GMPPA: variants seen among roughly 807,000 people sequenced by gnomAD.
The protein encoded by GMPPA is GDP-mannose pyrophosphorylase A, also known as mannose-1-phosphate guanylyltransferase regulatory subunit alpha.
In GMPPA, 46 loss-of-function variants were observed where a neutral mutation model predicts 58.6. That is an observed-to-expected ratio of 0.78 (90% CI 0.62 to 1.00). The LOEUF is 1.00. Among genes scored for constraint, GMPPA ranks in the 50% least tolerant of loss-of-function variants. The pLI is 0.00. For missense variants in GMPPA, 468 were observed against 556.4 expected (o/e 0.84, Z 1.60); for synonymous variants, 211 against 214.9 (o/e 0.98, Z 0.16).
intron 7 of GMPPA, 187 bp from the exon 8 acceptor site, chr2:219,505,041 G>C (rs910096373): frequency 8.4e-6 from 7 of 829,630 alleles, no homozygotes; most frequent in African/African-American, 3.4e-5. Flanking sequence ...CCACCCAAGT[G>C]GGGGCTGGGT....
At chr2:219,506,665 T>A in intron 12 of GMPPA, 33 bp from the exon 13 acceptor site, 1 of 1,270,486 alleles carries the variant, frequency 7.9e-7, no homozygotes, top group Non-Finnish European at 1.1e-6. Context: ...TCCCCTCCCA[T>A]GACCTCCCCT....
rs1356051701 is a variant in GMPPA, at chr2:219,501,471, C to T, written c.139-5C>T. ...CTTCATCCCAGCCTCTTCCCTTGTC[C>T]TCAGGTCCCTGGAATGCAGGAGATT... On this transcript the variant is annotated splice_region_variant and splice_polypyrimidine_tract_variant and intron_variant, in intron 3 of 12. Transcript: ENST00000313597. 1 of 1,538,054 alleles carries T rather than the reference C, an allele frequency of 6.5e-7. No homozygotes were observed. Among genetic ancestry groups the T allele is most frequent in the East Asian group, 2.2e-5 (1 of 44,522 alleles).
rs772577071 is a variant in GMPPA, at chr2:219,506,280, C to T, written c.1020C>T (p.Ile340=). The T allele has an allele frequency of 1.1e-5, 18 of 1,613,376 alleles. No homozygotes were observed. The Admixed American group carries it at 1.3e-4, about 12-fold the overall frequency. The change falls in exon 12 of 13, where the codon ATC becomes ATT. Residue 340 remains isoleucine, a synonymous_variant. Transcript: ENST00000313597. ...AGCACACGTGTGTTCTGCATAGCAT[C>T]GTGGGCTGGGGGAGCACCGTGGGAC... ...LQEHTCVLHS[I]VGWGSTVGRW... is the part of the protein sequence containing the mutation.
intron 8 of GMPPA, 21 bp downstream of exon 8, chr2:219,505,383 TG>T: frequency 1.2e-6 from 2 of 1,612,508 alleles, no homozygotes; most frequent in Non-Finnish European, 1.7e-6. Flanking sequence ...CTGGGTCCCC[TG>T]GGGATTGAAA....
intron 7 of GMPPA, 106 bp downstream of exon 7, chr2:219,504,319 C>G: frequency 9.5e-7 from 1 of 1,056,410 alleles, no homozygotes; most frequent in Non-Finnish European, 1.4e-6. Context: ...CTTCCTCCTC[C>G]CCTCTCCCTT....
At position 219,501,479 on chromosome 2, in the gene GMPPA, C is replaced by G; in HGVS notation, c.142C>G (p.Pro48Ala). Reference protein sequence around the residue: ...QHHIEACAQVPGMQEILLIGF... With the variant: ...QHHIEACAQVAGMQEILLIGF... ...CAGCCTCTTCCCTTGTCCTCAGGTC[C>G]CTGGAATGCAGGAGATTCTGCTCAT... Residue 48 changes from proline (P) to alanine (A), a missense_variant, in exon 4 of 13, where the codon CCT (proline) becomes GCT (alanine). Transcript: ENST00000313597. 6.3e-7 allele frequency: 1 copy of G among 1,579,882 alleles called. No homozygotes were observed. The highest frequency in any genetic ancestry group is 8.7e-7 in the Non-Finnish European group (1 of 1,148,776).
At chr2:219,506,476 G>GC in intron 12 of GMPPA, 54 bp downstream of exon 12, 1 of 1,528,204 alleles carries the variant, frequency 6.5e-7, no homozygotes. Context: ...ATGGCCAGTG[G>GC]CCCCGGGGAG....
At position 219,500,327 on chromosome 2, in the gene GMPPA, CATTCACAGATGACAA is replaced by C. The variant is rs1252011869; in HGVS notation, c.138+110_138+124del. Reference sequence around the variant, plus strand: ...CACCAGGCATAACTCCAAGGACCATCATTCACAGATGACAATGTGAATGGCGCCCCCTCAAGTTAT... The same window carrying C: ...CACCAGGCATAACTCCAAGGACCATCTGTGAATGGCGCCCCCTCAAGTTAT... On this transcript the variant is annotated intron_variant, in intron 3 of 12. Transcript: ENST00000313597. The C allele has an allele frequency of 1.3e-5, 9 of 711,770 alleles. No individual in the cohort carries two copies. In the East Asian group the frequency reaches 1.9e-4, roughly 15 times the overall value. The allele number at this position is 711,770 out of a possible 1,614,324, so 44.1% of individuals were successfully genotyped here. A position where few individuals can be genotyped will look rare whatever the true frequency, so the allele number is the denominator to read the frequency against.
At chr2:219,505,085 C>A in intron 7 of GMPPA, 143 bp from the exon 8 acceptor site, 1 of 995,850 alleles carries the variant, frequency 1.0e-6, no homozygotes, top group Non-Finnish European at 1.4e-6. Flanking sequence ...CAGCCACATC[C>A]CAGAGAGGGC....
At position 219,505,719 on chromosome 2, in the gene GMPPA, T is replaced by C. The variant is rs145760617; in HGVS notation, c.858T>C (p.Asn286=). 6.1e-4 allele frequency: 982 copies of C among 1,612,358 alleles called. No homozygotes were observed. Among genetic ancestry groups the C allele is most frequent in the Non-Finnish European group, 7.8e-4 (918 of 1,179,822 alleles). Residue 286 remains asparagine (N), a synonymous_variant, in exon 10 of 13, where the codon AAT becomes AAC. Transcript: ENST00000313597. ...HTPGGPWIRG[N]VYIHPTAKVA... The stretch of plus-strand genomic sequence containing the variant: ...GGGCCTCTCTTCTGCTTCTAGGGAA[T>C]GTGTACATCCACCCGACCGCCAAGG...
chr2:219,505,650 C>T (rs761066072), intron 9 of GMPPA, 65 bp from the exon 10 acceptor site: 4 of 1,586,506 alleles, frequency 2.5e-6, no homozygotes, highest in Admixed American at 3.3e-5. Flanking sequence ...AGCCTCAATC[C>T]CTGCCCCTTC....
chr2:219,505,570 C>A lies in GMPPA; in HGVS notation c.853+15C>A. 6.4e-7 allele frequency: 1 copy of A among 1,568,700 alleles called. No homozygotes were observed. Among genetic ancestry groups the A allele is most frequent in the East Asian group, 2.4e-5 (1 of 42,442 alleles). ...ATGGATCCGAGGTACCCAGCCTGCC[C>A]CAATTCCTAACCTTTGGCTTCCACC... On this transcript the variant is annotated intron_variant, in intron 9 of 12. Transcript: ENST00000313597.
rs1194378531 is a variant in GMPPA, at chr2:219,502,087, C to T, written c.429+50C>T. 4 of 1,584,484 alleles carry T rather than the reference C, an allele frequency of 2.5e-6. No homozygotes were observed. The highest frequency in any genetic ancestry group is 2.7e-5 in the African/African-American group (2 of 74,170). ...GGTGTAGAGGAGGTGATCCCAAGAG[C>T]TTCCCGGAATTCAGGGTGTTGGGGA... On this transcript the variant is annotated intron_variant, in intron 5 of 12. Coordinates refer to ENST00000313597, the MANE Select transcript of GMPPA (RefSeq NM_013335.4). The surrounding 1 kb of genome is among the most constrained non-coding windows in gnomAD (Gnocchi z 4.0).
rs1694588445 is a variant in GMPPA at position 219,506,273 on chromosome 2, A to G, written c.1013A>G (p.His338Arg). The stretch of plus-strand genomic sequence containing the variant: ...TGGCAGGAGCACACGTGTGTTCTGC[A>G]TAGCATCGTGGGCTGGGGGAGCACC... ...ATLQEHTCVL[H>R]SIVGWGSTVG... The change falls in exon 12 of 13, where the codon CAT becomes CGT. Residue 338 changes from histidine (H) to arginine (R), a missense_variant. His to Arg is a conservative substitution (Grantham distance 29). Coordinates refer to ENST00000313597, the MANE Select transcript of GMPPA (RefSeq NM_013335.4). 6.2e-7 allele frequency: 1 copy of G among 1,613,050 alleles called. No individual in the cohort carries two copies. The highest frequency in any genetic ancestry group is 2.2e-5 in the East Asian group (1 of 44,866).
chr2:219,505,997 C>T lies in GMPPA; in HGVS notation c.918C>T (p.Ser306=), dbSNP rs776785960. 2.5e-6 allele frequency: 4 copies of T among 1,588,292 alleles called. No individual in the cohort carries two copies. The South Asian group carries it at 3.4e-5, about 14-fold the overall frequency. ...CTCCACAGCTGGGCCCCAACGTCTC[C>T]ATCGGGAAGGGGGTGACCGTGGGTG... ...APSAVLGPNV[S]IGKGVTVGEG... is the part of the protein sequence containing the mutation. Residue 306 remains serine (S), a synonymous_variant, in exon 11 of 13, where the codon TCC becomes TCT. Transcript: ENST00000313597.
At chr2:219,506,472 A>T (rs774089217) in intron 12 of GMPPA, 50 bp downstream of exon 12, 3 of 1,548,136 alleles carry the variant, frequency 1.9e-6, no homozygotes, top group Non-Finnish European at 1.8e-6. Context: ...GCTGATGGCC[A>T]GTGGCCCCGG....
At chr2:219,500,490 G>T in intron 3 of GMPPA, 1 of 516,630 alleles carries the variant, frequency 1.9e-6, no homozygotes, top group Non-Finnish European at 3.5e-6. Flanking sequence ...TGGAGACAAT[G>T]TAAAGCCGTA....
rs1694443525 is a variant in GMPPA, at chr2:219,502,690, G to T, written c.489+249G>T. ...AGTGCATGATGGGAACACCAAGGGG[G>T]CCCCAACCCAGCCTTGCTGGGGTGG... On this transcript the variant is annotated intron_variant, in intron 6 of 12. Coordinates refer to ENST00000313597, the MANE Select transcript of GMPPA (RefSeq NM_013335.4). The surrounding 1 kb of genome is among the most constrained non-coding windows in gnomAD (Gnocchi z 4.0). Among the ~76,000 whole-genome samples, 1 of 152,132 alleles carries T rather than the reference G, an allele frequency of 6.6e-6. No individual in the cohort carries two copies. Among genetic ancestry groups the T allele is most frequent in the Non-Finnish European group, 1.5e-5 (1 of 67,996 alleles).
chr2:219,505,662 TG>T, intron 9 of GMPPA, 52 bp from the exon 10 acceptor site: 1 of 1,601,614 alleles, frequency 6.2e-7, no homozygotes, highest in South Asian at 1.1e-5. Context: ...TGCCCCTTCC[TG>T]ATCAAATTCG....
Sources: gnomAD v4.1 joint callset for allele counts (sites outside exome capture counted in the v4.1 genomes callset) on GRCh38, gnomAD v4.1.1 for gene constraint, Gnocchi (gnomAD v3.1) non-coding constraint, MANE v1.5 for transcripts, NCBI Gene and HGNC (gene_info 2026-07-23, HGNC 2026-07-21) for gene names.